The following RPS6KB1 variants were observed in gnomAD, a reference collection of about 807,000 sequenced individuals.
The protein encoded by RPS6KB1 is ribosomal protein S6 kinase B1.
Under a neutral mutation model 70.2 loss-of-function variants are expected in RPS6KB1, and 12 were observed. The observed-to-expected ratio is 0.17, with a 90% CI of 0.11 to 0.28. RPS6KB1 has a LOEUF of 0.28. Among genes scored for constraint, RPS6KB1 ranks in the 10% least tolerant of loss-of-function variants. The pLI is 1.00. For synonymous variants in RPS6KB1, 175 were observed against 211.2 expected (o/e 0.83, Z 1.49); for missense variants, 270 against 646.6 (o/e 0.42, Z 6.32).
At chr17:59,912,295 A>T (rs192471504) in intron 2 of RPS6KB1, 1 of 226,254 alleles carries the variant, frequency 4.4e-6, no homozygotes, top group Non-Finnish European at 9.2e-6. Context: ...TGATCCAGAA[A>T]TACGGCCTCA....
At chr17:59,895,616 C>T (rs932388445) in intron 1 of RPS6KB1, among the ~76,000 whole-genome samples, 2 of 151,790 alleles carry the variant, frequency 1.3e-5, no homozygotes, top group African/African-American at 2.4e-5. Context: ...GCCACCCCAC[C>T]AGGCTTTTTA....
intron 12 of RPS6KB1, among the ~76,000 whole-genome samples, chr17:59,939,433 C>A (rs2044449846): frequency 6.6e-6 from 1 of 152,134 alleles, no homozygotes; most frequent in Admixed American, 6.5e-5. Context: ...AGGTACACCA[C>A]CATGCCCAGC....
chr17:59,901,903 C>T (rs1286430405), intron 1 of RPS6KB1, among the ~76,000 whole-genome samples: 1 of 150,514 alleles, frequency 6.6e-6, no homozygotes, highest in Non-Finnish European at 1.5e-5. Context: ...GCTGTAGTCT[C>T]AGCTGCTTGG....
intron 1 of RPS6KB1, among the ~76,000 whole-genome samples, chr17:59,897,400 A>G (rs762096085): frequency 3.9e-5 from 6 of 152,334 alleles, no homozygotes; most frequent in Middle Eastern, 6.8e-3. Flanking sequence ...TAAGGAACCA[A>G]TCATTCAGGT....
intron 1 of RPS6KB1, among the ~76,000 whole-genome samples, chr17:59,906,691 C>CT (rs369344460): frequency 6.6e-6 from 1 of 151,718 alleles, no homozygotes; most frequent in Non-Finnish European, 1.5e-5. Flanking sequence ...TCTTTCTTTA[C>CT]TTTTTTTTGT....
intron 4 of RPS6KB1, among the ~76,000 whole-genome samples, chr17:59,919,107 C>T (rs1025057948): frequency 1.3e-5 from 2 of 152,148 alleles, no homozygotes; most frequent in African/African-American, 2.4e-5. Context: ...ATCCACTGCG[C>T]CTGGCCTGAT....
In RPS6KB1 at chr17:59,938,381, T is replaced by G. The variant is rs1042005478; in HGVS notation, c.1119+1840T>G. Reference sequence around the variant, plus strand: ...CCCTGTGTTGCCCCACCTAATTTTTTTTGTTGTTGTTGTTTTTCCATTTTT... The same window carrying G: ...CCCTGTGTTGCCCCACCTAATTTTTGTTGTTGTTGTTGTTTTTCCATTTTT... On this transcript the variant is annotated intron_variant, in intron 12 of 14. Transcript: ENST00000225577. Among the ~76,000 whole-genome samples the G allele has an allele frequency of 3.3e-5, 5 of 150,328 alleles. No homozygotes were observed. The East Asian group carries it at 7.7e-4, about 23-fold the overall frequency.
At chr17:59,919,621 G>A (rs2144858873) in intron 4 of RPS6KB1, among the ~76,000 whole-genome samples, 1 of 152,038 alleles carries the variant, frequency 6.6e-6, no homozygotes, top group South Asian at 2.1e-4. Flanking sequence ...CACTAAACTC[G>A]AGTTTTTACA....
At position 59,934,642 on chromosome 17, in the gene RPS6KB1, T is replaced by C. The variant is rs531790301; in HGVS notation, c.870+118T>C. ...GTGGAGTTTTCAAAGCCCAAAGATT[T>C]GTTATTAGCAGTTTAACACTAATAA... On this transcript the variant is annotated intron_variant, in intron 9 of 14. Transcript: ENST00000225577. The surrounding 1 kb of genome is among the most constrained non-coding windows in gnomAD (Gnocchi z 4.8). The C allele has an allele frequency of 3.2e-5, 22 of 689,958 alleles. No individual in the cohort carries two copies. The African/African-American group carries it at 3.2e-4, about 10-fold the overall frequency. 42.7% of individuals were successfully genotyped at this position (689,958 alleles called of 1,614,324 possible).
rs556172633 is a variant in RPS6KB1 at position 59,936,370 on chromosome 17, T to C, written c.1041+93T>C. 146 of 1,516,108 alleles carry C rather than the reference T, an allele frequency of 9.6e-5. 1 individual carries two copies. In the South Asian group the frequency reaches 1.6e-3, roughly 17 times the overall value. 93.9% of individuals were successfully genotyped at this position (1,516,108 alleles called of 1,614,324 possible). ...TATGTAGTTGCTTATAAGTTTAGCT[T>C]ATTTTGTGACTTGTAACTTCAAAAA... On this transcript the variant is annotated intron_variant, in intron 11 of 14. Coordinates refer to ENST00000225577, the MANE Select transcript of RPS6KB1 (RefSeq NM_003161.4).
intron 4 of RPS6KB1, among the ~76,000 whole-genome samples, chr17:59,918,935 G>A (rs902500744): frequency 3.3e-5 from 5 of 150,014 alleles, no homozygotes; most frequent in African/African-American, 1.2e-4. Flanking sequence ...GGGTTCAAGC[G>A]ATTCTTGTGC....
chr17:59,909,111 A>G (rs942354657), intron 1 of RPS6KB1, among the ~76,000 whole-genome samples: 3 of 146,370 alleles, frequency 2.0e-5, no homozygotes, highest in African/African-American at 5.1e-5. Context: ...TTTTTTTAGT[A>G]GAGATGGGGT....
intron 12 of RPS6KB1, among the ~76,000 whole-genome samples, chr17:59,940,216 G>T (rs1314958098): frequency 3.4e-5 from 5 of 148,112 alleles, no homozygotes; most frequent in Admixed American, 6.8e-5. Context: ...CTGAAGCTTT[G>T]TGAGAGGGGA....
At position 59,948,166 on chromosome 17, in the gene RPS6KB1, G is replaced by T. The variant is rs2045036162; in HGVS notation, c.*1378G>T. 6.6e-6 allele frequency: 1 copy of T among 152,540 alleles called. No homozygotes were observed. The highest frequency in any genetic ancestry group is 6.5e-5 in the Admixed American group (1 of 15,280). The allele number at this position is 152,540 out of a possible 1,614,324, so 9.4% of individuals were successfully genotyped here. A position where few individuals can be genotyped will look rare whatever the true frequency, so the allele number is the denominator to read the frequency against. ...ACAGGTTAAAAGAATAAAAATAAAG[G>T]TAACTTTACCTTTCTTAAATATTTC... On this transcript the variant is annotated 3_prime_UTR_variant, in exon 15 of 15. Coordinates refer to ENST00000225577, the MANE Select transcript of RPS6KB1 (RefSeq NM_003161.4).
chr17:59,924,369 C>T (rs540712992), intron 4 of RPS6KB1, among the ~76,000 whole-genome samples: 1 of 152,168 alleles, frequency 6.6e-6, no homozygotes, highest in African/African-American at 2.4e-5. Context: ...TTTTCTCTTT[C>T]TCTTTCTGTG....
intron 1 of RPS6KB1, among the ~76,000 whole-genome samples, chr17:59,904,704 T>G (rs1568393307): frequency 1.3e-5 from 2 of 149,276 alleles, no homozygotes. Context: ...TTCTGTTTTT[T>G]TTTTTTTTTT....
In RPS6KB1 at chr17:59,950,458, G is replaced by C. The variant is rs2045151092; in HGVS notation, c.*3670G>C. 2 of 152,420 alleles carry C rather than the reference G, an allele frequency of 1.3e-5. No individual in the cohort carries two copies. Among genetic ancestry groups the C allele is most frequent in the Non-Finnish European group, 2.9e-5 (2 of 67,936 alleles). 9.4% of individuals were successfully genotyped at this position (152,420 alleles called of 1,614,324 possible). On this transcript the variant is annotated 3_prime_UTR_variant, in exon 15 of 15. Coordinates refer to ENST00000225577, the MANE Select transcript of RPS6KB1 (RefSeq NM_003161.4). The stretch of plus-strand genomic sequence containing the variant: ...TGATTTATTTTTTTATTATCTTAAA[G>C]ATAGGAAGGAATTAGTATACGTATC...
chr17:59,893,963 G>C lies in RPS6KB1; in HGVS notation c.141+638G>C. 1 of 980,770 alleles carries C rather than the reference G, an allele frequency of 1.0e-6. No homozygotes were observed. Among genetic ancestry groups the C allele is most frequent in the Non-Finnish European group, 1.2e-6 (1 of 827,144 alleles). The allele number at this position is 980,770 out of a possible 1,614,324, so 60.8% of individuals were successfully genotyped here. On this transcript the variant is annotated intron_variant, in intron 1 of 14. Coordinates refer to ENST00000225577, the MANE Select transcript of RPS6KB1 (RefSeq NM_003161.4). The surrounding 1 kb of genome is among the most constrained non-coding windows in gnomAD (Gnocchi z 4.1). ...CTTTTTTTTTTTTACCCCCTTCCGT[G>C]TGACTTTTTAAAATAAGCATTTATA... is the stretch of plus-strand genomic sequence containing the variant.
At chr17:59,930,377 C>T (rs894709176) in intron 6 of RPS6KB1, 1 of 540,786 alleles carries the variant, frequency 1.8e-6, no homozygotes, top group Non-Finnish European at 3.4e-6. Flanking sequence ...GAACGCTCTT[C>T]ACACCAGTTG....
Sources: allele counts gnomAD v4.1 joint callset (sites outside exome capture counted in the v4.1 genomes callset), GRCh38; gene constraint gnomAD v4.1.1; non-coding constraint Gnocchi (gnomAD v3.1); transcripts MANE v1.5; gene names NCBI Gene and HGNC (gene_info 2026-07-23, HGNC 2026-07-21).